Variants in NRDE2 observed in about 807,000 individuals in gnomAD.
NRDE2 encodes the protein NRDE-2, necessary for RNA interference, domain containing, also known as nuclear exosome regulator NRDE2.
A neutral mutation model predicts 124.2 loss-of-function variants in NRDE2; 76 were observed. The ratio of observed to expected loss-of-function variants is 0.61; its 90% CI spans 0.51 to 0.74. NRDE2 has a LOEUF of 0.74. Ranked by LOEUF, NRDE2 falls within the 30% of genes least tolerant of loss-of-function variation. NRDE2 has a pLI of 0.00. For synonymous variants in NRDE2, 489 were observed against 528.1 expected, an observed-to-expected ratio of 0.93 and a Z score of 1.01; for missense variants, 1,314 against 1,417.3, an observed-to-expected ratio of 0.93 and a Z score of 1.17.
At chr14:90,317,295 A>T (rs1247158923) in intron 2 of NRDE2, among the ~76,000 whole-genome samples, 1 of 152,226 alleles carries the variant, frequency 6.6e-6, no homozygotes, top group East Asian at 1.9e-4. Flanking sequence ...CATTATAAAA[A>T]GGTTTATTTT....
intron 1 of NRDE2, among the ~76,000 whole-genome samples, chr14:90,322,175 C>G (rs964293742): frequency 2.0e-5 from 3 of 152,230 alleles, no homozygotes; most frequent in African/African-American, 7.2e-5. Context: ...ATCTCATTAT[C>G]TTCCCACTAT....
chr14:90,323,753 AC>A (rs1885321379), intron 1 of NRDE2, among the ~76,000 whole-genome samples: 1 of 152,194 alleles, frequency 6.6e-6, no homozygotes, highest in Admixed American at 6.5e-5. Context: ...TATATAAAGG[AC>A]CAAAACCCAA....
At chr14:90,295,346 T>C (rs1309587715) in intron 8 of NRDE2, among the ~76,000 whole-genome samples, 1 of 152,236 alleles carries the variant, frequency 6.6e-6, no homozygotes, top group African/African-American at 2.4e-5. Context: ...TTATAGATCA[T>C]ATATATTAGC....
chr14:90,289,467 A>G (rs1053474274), intron 10 of NRDE2, among the ~76,000 whole-genome samples: 5 of 152,270 alleles, frequency 3.3e-5, no homozygotes, highest in Admixed American at 1.3e-4. Flanking sequence ...TGTAATCTGT[A>G]GTTGAAGCTT....
chr14:90,331,767 AAGTCTAGACCTGGGCCCG>A, intron 1 of NRDE2, 56 bp downstream of exon 1: 4 of 1,496,242 alleles, frequency 2.7e-6, no homozygotes, highest in Non-Finnish European at 3.7e-6. Context: ...TCCAAAGCAA[AAGTCTAGACCTGGGCCCG>A]AGAAACAGCC....
intron 1 of NRDE2, among the ~76,000 whole-genome samples, chr14:90,330,202 G>A (rs546865727): frequency 0.07 from 1,030 of 14,792 alleles, 19 homozygotes; most frequent in African/African-American, 0.17. Flanking sequence ...GCAAGACTTG[G>A]TCTCAAAAAA....
Position 90,274,807 on chromosome 14 carries a change from CA to C in NRDE2, c.*3528del, listed in dbSNP as rs1281724033. On this transcript the variant is annotated 3_prime_UTR_variant, in exon 14 of 14. Transcript: ENST00000354366. ...GGAACTACACACACACACACACACACACACACACACACACACACACACACAC... is the reference window on the plus strand; with the variant it reads ...GGAACTACACACACACACACACACACCACACACACACACACACACACACAC... The C allele has an allele frequency of 2.8e-4, 19 of 67,618 alleles. No homozygotes were observed. Among genetic ancestry groups the C allele is most frequent in the South Asian group, 2.6e-3 (5 of 1,960 alleles). The allele number at this position is 67,618 out of a possible 1,614,324, so 4.2% of individuals were successfully genotyped here. A position where few individuals can be genotyped will look rare whatever the true frequency, so the allele number is the denominator to read the frequency against.
chr14:90,317,409 G>T (rs1885086160), intron 2 of NRDE2, among the ~76,000 whole-genome samples: 1 of 152,126 alleles, frequency 6.6e-6, no homozygotes, highest in South Asian at 2.1e-4. Context: ...CCTCATTACT[G>T]AAATATCTAA....
chr14:90,305,274 T>A (rs1884556613), intron 4 of NRDE2, among the ~76,000 whole-genome samples: 1 of 152,160 alleles, frequency 6.6e-6, no homozygotes, highest in South Asian at 2.1e-4. Flanking sequence ...CAACACCAAA[T>A]GTTGGTGAGT....
At chr14:90,320,423 G>A (rs528044414) in intron 1 of NRDE2, among the ~76,000 whole-genome samples, 2 of 152,262 alleles carry the variant, frequency 1.3e-5, no homozygotes, top group South Asian at 4.1e-4. Flanking sequence ...AACAGCATGG[G>A]GCGAACTGCC....
intron 3 of NRDE2, 75 bp from the exon 4 acceptor site, chr14:90,312,618 C>CA: frequency 6.8e-7 from 1 of 1,471,716 alleles, no homozygotes; most frequent in Admixed American, 1.7e-5. Flanking sequence ...GCATTTTCAG[C>CA]AATATGAGAG....
At chr14:90,284,576 C>A (rs1413949201) in intron 12 of NRDE2, among the ~76,000 whole-genome samples, 1 of 152,014 alleles carries the variant, frequency 6.6e-6, no homozygotes, top group African/African-American at 2.4e-5. Flanking sequence ...GCCATGTCGG[C>A]CAGGCTGGTC....
chr14:90,296,838 T>C (rs764918047), intron 8 of NRDE2, among the ~76,000 whole-genome samples: 6 of 152,120 alleles, frequency 3.9e-5, no homozygotes, highest in Non-Finnish European at 7.4e-5. Flanking sequence ...TATCAAGCAC[T>C]TGAAAAGTAG....
chr14:90,330,011 A>G (rs898807652), intron 1 of NRDE2, among the ~76,000 whole-genome samples: 3 of 151,692 alleles, frequency 2.0e-5, no homozygotes, highest in African/African-American at 7.3e-5. Context: ...GTTCGAGACC[A>G]GCCTGGCCAA....
Position 90,301,232 on chromosome 14 carries a change from T to G in NRDE2, c.1545+7A>C. 1 of 1,613,306 alleles carries G rather than the reference T, an allele frequency of 6.2e-7. No individual in the cohort carries two copies. The highest frequency in any genetic ancestry group is 8.5e-7 in the Non-Finnish European group (1 of 1,179,520). On this transcript the variant is annotated splice_region_variant and intron_variant, in intron 7 of 13. Transcript: ENST00000354366. ...AAGAGAGAGATGAGGCGAGCAGAGC[T>G]GGGTACCTGTCCTTTGGTAGGCAGA...
Position 90,289,130 on chromosome 14 carries a change from G to GTTT in NRDE2, c.2244_2245insAAA (p.Leu748_His749insLys). The GTTT allele has an allele frequency of 6.2e-7, 1 of 1,601,792 alleles. No individual in the cohort carries two copies. Among genetic ancestry groups the GTTT allele is most frequent in the Non-Finnish European group, 8.5e-7 (1 of 1,170,852 alleles). ...TTTAATCTCTTCTTGTTTTTAGTGT[G>GTTT]CAGGCACCAAATGACCTACAGGGAA... On this transcript the variant is annotated inframe_insertion, in exon 11 of 14. Transcript: ENST00000354366.
chr14:90,278,163 C>T lies in NRDE2; in HGVS notation c.*173G>A. ...ATGTAAATAACTTTTGTGTCATTTA[C>T]ACACCCAAAAAGTGTGCAAGATGTG... On this transcript the variant is annotated 3_prime_UTR_variant, in exon 14 of 14. Coordinates refer to ENST00000354366, the MANE Select transcript of NRDE2 (RefSeq NM_017970.4). 3.0e-6 allele frequency: 2 copies of T among 660,228 alleles called. No individual in the cohort carries two copies. Among genetic ancestry groups the T allele is most frequent in the Non-Finnish European group, 5.1e-6 (2 of 391,984 alleles). 40.9% of individuals were successfully genotyped at this position (660,228 alleles called of 1,614,324 possible). A position where few individuals can be genotyped will look rare whatever the true frequency, so the allele number is the denominator to read the frequency against.
At chr14:90,279,744 A>C (rs1276221610) in intron 12 of NRDE2, 1 of 152,350 alleles carries the variant, frequency 6.6e-6, no homozygotes, top group African/African-American at 2.4e-5. Flanking sequence ...CCCAGTGTGG[A>C]AGGAGACCCA....
Position 90,288,510 on chromosome 14 carries a change from G to C in NRDE2, c.2865C>G (p.Thr955=). 6.2e-7 allele frequency: 1 copy of C among 1,614,124 alleles called. No homozygotes were observed. The highest frequency in any genetic ancestry group is 8.5e-7 in the Non-Finnish European group (1 of 1,180,014). ...TCAGTGTGATGGCTTCGAGAACACT[G>C]GTCCAACTCTGGGAGCTGGCACTGT... ...EGDSASSQSW[T]SVLEAITLMH... The change falls in exon 11 of 14, where the codon ACC becomes ACG. Residue 955 remains threonine, a synonymous_variant. Coordinates refer to ENST00000354366, the MANE Select transcript of NRDE2 (RefSeq NM_017970.4).
Sources: gnomAD v4.1 joint callset for allele counts (sites outside exome capture counted in the v4.1 genomes callset) on GRCh38, gnomAD v4.1.1 for gene constraint, MANE v1.5 for transcripts, NCBI Gene and HGNC (gene_info 2026-07-23, HGNC 2026-07-21) for gene names.